The following C12orf42 variants were observed in gnomAD, a reference collection of about 807,000 sequenced individuals.
C12orf42 encodes uncharacterized protein C12orf42.
A neutral mutation model predicts 21.6 loss-of-function variants in C12orf42; 25 were observed. That is an observed-to-expected ratio of 1.16 (90% CI 0.84 to 1.62). The LOEUF is 1.62. Among genes scored for constraint, C12orf42 ranks in the 40% most tolerant of loss-of-function variants. The pLI is 0.00. For missense variants in C12orf42, 483 were observed against 459.3 expected, an observed-to-expected ratio of 1.05 and a Z score of -0.47; for synonymous variants, 174 against 175.0, an observed-to-expected ratio of 0.99 and a Z score of 0.05.
chr12:103,529,079 G>A, the C12orf42 span, among the ~76,000 whole-genome samples: 2 of 151,996 alleles, frequency 1.3e-5, no homozygotes, highest in African/African-American at 4.8e-5. Flanking sequence ...GAAAAAAAAC[G>A]CCATTGCAAA....
chr12:103,341,114 A>AAC (rs1365997689), intron 4 of C12orf42, among the ~76,000 whole-genome samples: 4 of 112,622 alleles, frequency 3.6e-5, no homozygotes, highest in African/African-American at 1.5e-4. Context: ...CTCTGTCTCA[A>AAC]AAAAAAAAAA....
the C12orf42 span, among the ~76,000 whole-genome samples, chr12:103,173,472 G>A: frequency 6.6e-6 from 1 of 152,020 alleles, no homozygotes; most frequent in Admixed American, 6.6e-5. Context: ...GTTATCTGAG[G>A]AATCTAAAAG....
intron 4 of C12orf42, among the ~76,000 whole-genome samples, chr12:103,352,758 G>A (rs2043204046): frequency 6.6e-6 from 1 of 152,090 alleles, no homozygotes; most frequent in Non-Finnish European, 1.5e-5. Context: ...TTGTCTCAAT[G>A]CAACCACTTA....
chr12:103,402,118 T>A (rs2048051182), intron 2 of C12orf42, among the ~76,000 whole-genome samples: 1 of 152,174 alleles, frequency 6.6e-6, no homozygotes, highest in African/African-American at 2.4e-5. Flanking sequence ...CACAGGCCCA[T>A]GAACATAAAT....
the C12orf42 span, among the ~76,000 whole-genome samples, chr12:103,099,176 C>G: frequency 1.8e-4 from 27 of 152,150 alleles, no homozygotes; most frequent in Non-Finnish European, 2.6e-4. Context: ...GAAATATGAC[C>G]TGGATATTAA....
At chr12:103,211,309 C>G in the C12orf42 span, among the ~76,000 whole-genome samples, 2 of 151,646 alleles carry the variant, frequency 1.3e-5, no homozygotes, top group Non-Finnish European at 2.9e-5. Context: ...AGGACCTCAT[C>G]ATTAGGACCT....
chr12:103,485,217 A>T (rs1022182199), intron 1 of C12orf42, among the ~76,000 whole-genome samples: 3 of 152,298 alleles, frequency 2.0e-5, no homozygotes, highest in African/African-American at 7.2e-5. Context: ...AGCACCATTT[A>T]TTAAATAGGG....
intron 1 of C12orf42, among the ~76,000 whole-genome samples, chr12:103,489,378 G>A (rs1276917976): frequency 1.3e-5 from 2 of 152,190 alleles, no homozygotes; most frequent in Non-Finnish European, 2.9e-5. Context: ...CCTAATGGGA[G>A]GTGTCTCCCA....
chr12:103,460,373 T>C (rs1952618078), intron 2 of C12orf42, among the ~76,000 whole-genome samples: 2 of 152,066 alleles, frequency 1.3e-5, no homozygotes, highest in South Asian at 2.1e-4. Flanking sequence ...CTTCCACACG[T>C]ATTTGTTGAC....
the C12orf42 span, among the ~76,000 whole-genome samples, chr12:103,518,660 G>A: frequency 6.6e-6 from 1 of 152,102 alleles, no homozygotes. Flanking sequence ...CTTTCACACT[G>A]TATAGAGAAA....
intron 2 of C12orf42, among the ~76,000 whole-genome samples, chr12:103,437,748 T>C (rs540993121): frequency 6.8e-6 from 1 of 147,082 alleles, no homozygotes; most frequent in East Asian, 2.0e-4. Context: ...GGATCTGAAA[T>C]TGAGACAATA....
chr12:103,056,377 T>C, the C12orf42 span, among the ~76,000 whole-genome samples: 2 of 152,038 alleles, frequency 1.3e-5, no homozygotes, highest in African/African-American at 4.8e-5. Flanking sequence ...GTATTCAAGA[T>C]TTTTTCTTTG....
the C12orf42 span, among the ~76,000 whole-genome samples, chr12:103,119,355 C>T: frequency 6.6e-6 from 1 of 152,220 alleles, no homozygotes; most frequent in African/African-American, 2.4e-5. Flanking sequence ...GCAATAACCA[C>T]TCAATAGCTG....
intron 4 of C12orf42, among the ~76,000 whole-genome samples, chr12:103,281,545 A>G (rs535950090): frequency 6.6e-6 from 1 of 152,160 alleles, no homozygotes; most frequent in South Asian, 2.1e-4. Flanking sequence ...TTTAGTAGAG[A>G]CGGGGTTTCA....
chr12:103,376,591 C>T (rs2045717179), intron 3 of C12orf42, among the ~76,000 whole-genome samples: 1 of 152,004 alleles, frequency 6.6e-6, no homozygotes, highest in African/African-American at 2.4e-5. Context: ...AAGAAAATTT[C>T]CCTGTCTTTT....
chr12:103,254,357 G>A (rs1192107223), intron 10 of C12orf42, among the ~76,000 whole-genome samples: 2 of 152,156 alleles, frequency 1.3e-5, no homozygotes, highest in Non-Finnish European at 2.9e-5. Context: ...ATGTTCATCA[G>A]GGATATTGGC....
chr12:103,239,438 T>C (rs1357026434), intron 10 of C12orf42, among the ~76,000 whole-genome samples: 2 of 152,200 alleles, frequency 1.3e-5, no homozygotes. Context: ...AAAACCATCT[T>C]CCACCTCTTC....
At chr12:103,263,456 C>T (rs1309263851) in intron 9 of C12orf42, 2 of 152,146 alleles carry the variant, frequency 1.3e-5, no homozygotes, top group African/African-American at 2.4e-5. Context: ...GATCATTTCA[C>T]TACTGGACTT....
the C12orf42 span, among the ~76,000 whole-genome samples, chr12:103,059,874 A>G: frequency 2.0e-5 from 3 of 152,210 alleles, no homozygotes; most frequent in African/African-American, 7.2e-5. Context: ...AGCCAATGTC[A>G]TACTGAATGG....
Sources: allele counts gnomAD v4.1 joint callset (sites outside exome capture counted in the v4.1 genomes callset), GRCh38; gene constraint gnomAD v4.1.1; transcripts MANE v1.5; gene names NCBI Gene and HGNC (gene_info 2026-07-23, HGNC 2026-07-21).